PLD5: variants seen among roughly 807,000 people sequenced by gnomAD.
The protein encoded by PLD5 is inactive phospholipase D5.
In PLD5, 36 loss-of-function variants were observed where a neutral mutation model predicts 61.1. The ratio of observed to expected loss-of-function variants is 0.59; its 90% CI spans 0.45 to 0.78. PLD5 has a LOEUF of 0.78. PLD5 is among the 30% of genes least tolerant of loss of function. PLD5 has a pLI of 0.00. For synonymous variants in PLD5, 243 were observed against 242.8 expected (o/e 1.00, Z -0.01); for missense variants, 515 against 644.4 (o/e 0.80, Z 2.17).
intron 3 of PLD5, among the ~76,000 whole-genome samples, chr1:242,279,736 G>A (rs1318049406): frequency 3.9e-5 from 6 of 152,162 alleles, no homozygotes; most frequent in East Asian, 3.9e-4. Flanking sequence ...GTTTAACCAT[G>A]TTGGCCAGGA....
chr1:242,467,311 T>C (rs925915656), intron 1 of PLD5, among the ~76,000 whole-genome samples: 2 of 152,112 alleles, frequency 1.3e-5, no homozygotes, highest in Non-Finnish European at 2.9e-5. Flanking sequence ...TTAAAAATGG[T>C]AATGTATATT....
At chr1:242,162,333 T>G (rs546718230) in intron 5 of PLD5, among the ~76,000 whole-genome samples, 1 of 152,308 alleles carries the variant, frequency 6.6e-6, no homozygotes, top group African/African-American at 2.4e-5. Flanking sequence ...GCTTTTTCAT[T>G]GTTACACTCC....
At chr1:242,394,173 TGTATATATGAGTATATATGA>T (rs1330253309) in intron 1 of PLD5, among the ~76,000 whole-genome samples, 35 of 79,338 alleles carry the variant, frequency 4.4e-4, no homozygotes, top group African/African-American at 7.4e-4. Context: ...TATATATATG[TGTATATATGAGTATATATGA>T]GTATATATAT....
At chr1:242,441,075 ATAAAT>A (rs1258567501) in intron 1 of PLD5, among the ~76,000 whole-genome samples, 6 of 152,242 alleles carry the variant, frequency 3.9e-5, no homozygotes, top group Non-Finnish European at 5.9e-5. Flanking sequence ...AATAGCTATA[ATAAAT>A]TAAGTTGAAA....
At chr1:242,185,727 T>C (rs189635909) in intron 5 of PLD5, among the ~76,000 whole-genome samples, 339 of 152,354 alleles carry the variant, frequency 2.2e-3, no homozygotes, top group Non-Finnish European at 4.0e-3. Context: ...TTACACTGGC[T>C]ACATCATTGA....
chr1:242,466,293 G>A (rs1297290234), intron 1 of PLD5, among the ~76,000 whole-genome samples: 1 of 152,096 alleles, frequency 6.6e-6, no homozygotes, highest in South Asian at 2.1e-4. Context: ...CTGGCATACA[G>A]GAGATATTCA....
chr1:242,339,049 A>C (rs985853559), intron 2 of PLD5, among the ~76,000 whole-genome samples: 1 of 152,174 alleles, frequency 6.6e-6, no homozygotes, highest in Admixed American at 6.5e-5. Context: ...GTCTTTACAT[A>C]TATAATGTAT....
intron 5 of PLD5, among the ~76,000 whole-genome samples, chr1:242,166,259 C>A (rs1406064906): frequency 6.6e-6 from 1 of 152,226 alleles, no homozygotes; most frequent in Non-Finnish European, 1.5e-5. Context: ...ATATGAGAGA[C>A]CCTCCTGGTC....
At chr1:242,255,724 T>C (rs1387351153) in intron 4 of PLD5, among the ~76,000 whole-genome samples, 2 of 152,152 alleles carry the variant, frequency 1.3e-5, no homozygotes, top group South Asian at 2.1e-4. Context: ...TGAGTACAGC[T>C]TTCTTAAATT....
chr1:242,496,769 C>G (rs1487490288), intron 1 of PLD5, among the ~76,000 whole-genome samples: 1 of 152,174 alleles, frequency 6.6e-6, no homozygotes, highest in East Asian at 1.9e-4. Flanking sequence ...TAATATCTGC[C>G]CTCACAAAAC....
At position 242,196,802 on chromosome 1, in the gene PLD5, C is replaced by T. The variant is rs1668662573; in HGVS notation, c.735+23186G>A. On this transcript the variant is annotated intron_variant, in intron 5 of 9. Transcript: ENST00000536534. Reference sequence around the variant, plus strand: ...CTTCCACAGGTGATCACTGTGAACACACTGTGTTTGGTGTGTATCTTTCCA... The same window carrying T: ...CTTCCACAGGTGATCACTGTGAACATACTGTGTTTGGTGTGTATCTTTCCA... 2.0e-5 allele frequency among the ~76,000 whole-genome samples: 3 copies of T among 152,220 alleles called. No individual in the cohort carries two copies. The South Asian group carries it at 6.2e-4, about 31-fold the overall frequency.
In PLD5 at chr1:242,224,075, A is replaced by T. The variant is rs528916858; in HGVS notation, c.608-3960T>A. 2.8e-4 allele frequency among the ~76,000 whole-genome samples: 43 copies of T among 152,340 alleles called. 1 individual carries two copies. In the Middle Eastern group the frequency reaches 0.01, roughly 36 times the overall value. ...TGACTACAAAACATATTTAATGATT[A>T]AAAAGTATATAATATGTCACTTACT... is the stretch of plus-strand genomic sequence containing the variant. On this transcript the variant is annotated intron_variant, in intron 4 of 9. Transcript: ENST00000536534.
At chr1:242,244,676 G>A (rs1255736556) in intron 4 of PLD5, among the ~76,000 whole-genome samples, 1 of 152,202 alleles carries the variant, frequency 6.6e-6, no homozygotes, top group African/African-American at 2.4e-5. Flanking sequence ...AGAATGCACT[G>A]CAAAAAATTC....
intron 5 of PLD5, among the ~76,000 whole-genome samples, chr1:242,133,073 A>T (rs576843966): frequency 7.1e-6 from 1 of 140,956 alleles, no homozygotes; most frequent in East Asian, 2.1e-4. Flanking sequence ...TCTGCATCAC[A>T]CAAGAGAAAT....
intron 5 of PLD5, among the ~76,000 whole-genome samples, chr1:242,134,995 G>T (rs1250241682): frequency 6.6e-6 from 1 of 152,208 alleles, no homozygotes; most frequent in Admixed American, 6.5e-5. Flanking sequence ...ATAGAGCAAG[G>T]ACTCAGGATT....
Position 242,246,974 on chromosome 1 carries a change from CTTTTTTTTTTTTTTTTT to C in PLD5, c.607+18346_607+18362del, listed in dbSNP as rs74466537. Among the ~76,000 whole-genome samples the C allele has an allele frequency of 8.4e-4, 114 of 135,902 alleles. 1 individual carries two copies. Among genetic ancestry groups the C allele is most frequent in the African/African-American group, 2.8e-3 (100 of 36,228 alleles). 89.2% of individuals were successfully genotyped at this position (135,902 alleles called of 152,430 possible). On this transcript the variant is annotated intron_variant, in intron 4 of 9. Coordinates refer to ENST00000536534, the MANE Select transcript of PLD5 (RefSeq NM_001372062.1). ...GAGTCATAGGTGGGTTTTAGGGATT[CTTTTTTTTTTTTTTTTT>C]TTTTTTTTTTGAGACGGAGTTTCGC...
chr1:242,161,126 C>T (rs1665793192), intron 5 of PLD5, among the ~76,000 whole-genome samples: 1 of 151,880 alleles, frequency 6.6e-6, no homozygotes, highest in Non-Finnish European at 1.5e-5. Context: ...TTAGTCTGTT[C>T]TTACGCTGCT....
intron 1 of PLD5, among the ~76,000 whole-genome samples, chr1:242,488,071 A>G (rs753649795): frequency 2.0e-5 from 3 of 152,288 alleles, no homozygotes; most frequent in African/African-American, 7.2e-5. Context: ...TGACAATATC[A>G]ATGCTCACAA....
intron 5 of PLD5, among the ~76,000 whole-genome samples, chr1:242,170,510 C>T (rs1459713528): frequency 1.3e-5 from 2 of 152,134 alleles, no homozygotes. Context: ...TCCAAAGGAT[C>T]ACAACTCCTC....
Sources: allele counts gnomAD v4.1 joint callset (sites outside exome capture counted in the v4.1 genomes callset), GRCh38; gene constraint gnomAD v4.1.1; transcripts MANE v1.5; gene names NCBI Gene and HGNC (gene_info 2026-07-23, HGNC 2026-07-21).